Variants in ADAMTS18 observed in about 807,000 individuals in gnomAD.
ADAMTS18 encodes ADAM metallopeptidase with thrombospondin type 1 motif 18.
ADAMTS18 carries 157 observed loss-of-function variants against 165.9 expected under a neutral mutation model. That is an observed-to-expected ratio of 0.95 (90% confidence interval 0.83 to 1.08). The LOEUF (loss-of-function observed/expected upper bound fraction) is 1.08, where lower values mean the gene tolerates loss of function less well. Ranked by LOEUF, ADAMTS18 falls within the 50% of genes least tolerant of loss-of-function variation. The pLI is 0.00. For synonymous variants in ADAMTS18, 782 were observed against 578.2 expected (o/e 1.35, Z -5.06); for missense variants, 2,040 against 1,534.0 (o/e 1.33, Z -5.51).
chr16:77,353,884 G>A lies in ADAMTS18; in HGVS notation c.1463C>T (p.Thr488Ile). Residue 488 changes from threonine to isoleucine, a missense_variant and splice_region_variant, in exon 10 of 23, where the codon ACA (threonine) becomes ATA (isoleucine). By Grantham distance (89) the Thr-to-Ile change is moderately conservative. Transcript: ENST00000282849. ...ATCCACTAGACACCCCGCCTGAGGT[G>A]TGCTGTAATGACAATACATGCTTAT... ...SRQYLKKFLS[T>I]PQAGCLVDEP... 1 of 1,614,116 alleles carries A rather than the reference G, an allele frequency of 6.2e-7. No homozygotes were observed. The highest frequency in any genetic ancestry group is 8.5e-7 in the Non-Finnish European group (1 of 1,180,022).
chr16:77,358,212 T>G (rs1369568067), intron 8 of ADAMTS18, among the ~76,000 whole-genome samples: 1 of 152,206 alleles, frequency 6.6e-6, no homozygotes. Flanking sequence ...TGTTGGAAAT[T>G]TGTTGGATAA....
rs999967088 is a variant in ADAMTS18, at chr16:77,319,707, T to C, written c.2532+142A>G. ...ATCCGCCCACCTCAGCCTCCCAAAG[T>C]GCTGGGATTACAGGCATGAGCCACC... is the stretch of plus-strand genomic sequence containing the variant. On this transcript the variant is annotated intron_variant, in intron 16 of 22. Coordinates refer to ENST00000282849, the MANE Select transcript of ADAMTS18 (RefSeq NM_199355.4). The C allele has an allele frequency of 2.9e-5, 40 of 1,374,620 alleles. No individual in the cohort carries two copies. The South Asian group carries it at 4.4e-4, about 15-fold the overall frequency. 85.2% of individuals were successfully genotyped at this position (1,374,620 alleles called of 1,614,324 possible). A position where few individuals can be genotyped will look rare whatever the true frequency, so the allele number is the denominator to read the frequency against.
intron 3 of ADAMTS18, among the ~76,000 whole-genome samples, chr16:77,425,417 G>C (rs1378005512): frequency 6.6e-6 from 1 of 152,130 alleles, no homozygotes. Flanking sequence ...ATCAGACACC[G>C]GGCAGAAGAT....
intron 16 of ADAMTS18, among the ~76,000 whole-genome samples, chr16:77,314,635 A>T (rs2052879): frequency 7.5e-6 from 1 of 133,862 alleles, no homozygotes; most frequent in Non-Finnish European, 1.6e-5. Flanking sequence ...ATGTGTGTGT[A>T]TGTGTGTGTG....
chr16:77,309,507 G>A (rs893033471), intron 16 of ADAMTS18, among the ~76,000 whole-genome samples: 2 of 152,140 alleles, frequency 1.3e-5, no homozygotes, highest in African/African-American at 4.8e-5. Context: ...AAGGAGAATG[G>A]ATGTCTGTAA....
In ADAMTS18 at chr16:77,367,579, ACC is replaced by A. The variant is rs1215917690; in HGVS notation, c.638_639del (p.Arg213LeufsTer61). ...YKRTAEEKIQ[R>X]YRGYPGSGRN... is the part of the protein sequence containing the mutation. ...CGGCCAGAGCCGGGGTAGCCACGGT[ACC>A]GCTGGATCTTCTCCTCTGCTGTCCT... On this transcript the variant is annotated frameshift_variant, in exon 4 of 23. Coordinates refer to ENST00000282849, the MANE Select transcript of ADAMTS18 (RefSeq NM_199355.4). LOFTEE classifies it high-confidence loss of function. 1 of 1,614,078 alleles carries A rather than the reference ACC, an allele frequency of 6.2e-7. No individual in the cohort carries two copies. The highest frequency in any genetic ancestry group is 8.5e-7 in the Non-Finnish European group (1 of 1,180,044).
intron 3 of ADAMTS18, among the ~76,000 whole-genome samples, chr16:77,407,806 A>C (rs2057411841): frequency 6.6e-6 from 1 of 152,092 alleles, no homozygotes; most frequent in Non-Finnish European, 1.5e-5. Flanking sequence ...TTATAAACTA[A>C]ATGTAAAGGC....
intron 3 of ADAMTS18, among the ~76,000 whole-genome samples, chr16:77,411,845 C>A (rs1248401688): frequency 6.6e-6 from 1 of 151,684 alleles, no homozygotes; most frequent in Non-Finnish European, 1.5e-5. Context: ...CACCACCAAG[C>A]CCAGCTAATT....
chr16:77,359,234 T>C (rs2056674952), intron 8 of ADAMTS18, 84 bp downstream of exon 8: 1 of 1,202,442 alleles, frequency 8.3e-7, no homozygotes, highest in South Asian at 1.3e-5. Flanking sequence ...TTGTTCTGCC[T>C]AAGTCAACAA....
rs1461358945 is a variant in ADAMTS18, at chr16:77,293,222, C to A, written c.3043G>T (p.Glu1015Ter). 1.2e-6 allele frequency: 2 copies of A among 1,613,874 alleles called. No homozygotes were observed. Among genetic ancestry groups the A allele is most frequent in the Non-Finnish European group, 1.7e-6 (2 of 1,179,932 alleles). ...KTCGRGVRKR[E>*]LLCKGSAAET... ...GCGGCAGAGCCCTTGCAGAGGAGTT[C>A]ACGCTTCCTCACCCCTCGTCCACAG... The change falls in exon 20 of 23, where the codon GAA (glutamate) becomes TAA (stop). Residue 1015 changes from glutamate (E) to a stop codon, truncating the protein, a stop_gained. Coordinates refer to ENST00000282849, the MANE Select transcript of ADAMTS18 (RefSeq NM_199355.4). LOFTEE classifies it high-confidence loss of function.
chr16:77,298,896 C>G (rs1180147908), intron 17 of ADAMTS18, among the ~76,000 whole-genome samples: 1 of 152,214 alleles, frequency 6.6e-6, no homozygotes, highest in Non-Finnish European at 1.5e-5. Flanking sequence ...ACAGGACACA[C>G]CAGGGTCTGT....
intron 18 of ADAMTS18, among the ~76,000 whole-genome samples, chr16:77,296,689 G>A (rs550271825): frequency 3.7e-4 from 57 of 152,246 alleles, no homozygotes; most frequent in Non-Finnish European, 4.0e-4. Flanking sequence ...GTGTGGTGAC[G>A]TGCACCTGTA....
At chr16:77,431,850 A>C in intron 2 of ADAMTS18, 1 of 567,308 alleles carries the variant, frequency 1.8e-6, no homozygotes, top group Middle Eastern at 4.8e-4. Flanking sequence ...GATGAATTTC[A>C]TGGATGTCTG....
At chr16:77,338,784 T>A (rs937477694) in intron 11 of ADAMTS18, among the ~76,000 whole-genome samples, 2 of 151,506 alleles carry the variant, frequency 1.3e-5, no homozygotes, top group Non-Finnish European at 2.9e-5. Flanking sequence ...AAACCTCATC[T>A]CTAATAAAAA....
chr16:77,423,965 C>T (rs2057637759), intron 3 of ADAMTS18, among the ~76,000 whole-genome samples: 1 of 152,198 alleles, frequency 6.6e-6, no homozygotes, highest in Admixed American at 6.5e-5. Context: ...CCCAGACCTT[C>T]TCCTAGTTCA....
In ADAMTS18 at chr16:77,320,024, G is replaced by T; in HGVS notation, c.2357C>A (p.Ser786Tyr). 6.2e-7 allele frequency: 1 copy of T among 1,614,144 alleles called. No individual in the cohort carries two copies. The highest frequency in any genetic ancestry group is 8.5e-7 in the Non-Finnish European group (1 of 1,180,022). The stretch of plus-strand genomic sequence containing the variant: ...GAGGCTTCGAACTGCGAGGTAACTG[G>T]AGGAAACCTGCAGCTCCTGGATTTC... ...SIEIQELQVS[S>Y]SYLAVRSLSQ... The change falls in exon 16 of 23, where the codon TCC (serine) becomes TAC (tyrosine). Residue 786 changes from serine to tyrosine, a missense_variant. Physicochemically the swap from Ser to Tyr is moderately radical, Grantham distance 144 (BLOSUM62 -2). Coordinates refer to ENST00000282849, the MANE Select transcript of ADAMTS18 (RefSeq NM_199355.4).
intron 3 of ADAMTS18, among the ~76,000 whole-genome samples, chr16:77,400,847 A>G (rs2057322523): frequency 6.6e-6 from 1 of 152,024 alleles, no homozygotes; most frequent in Non-Finnish European, 1.5e-5. Flanking sequence ...GCATTCTTAT[A>G]CTGCTGTTGT....
At chr16:77,365,557 C>A (rs901923754) in intron 4 of ADAMTS18, among the ~76,000 whole-genome samples, 3 of 152,286 alleles carry the variant, frequency 2.0e-5, no homozygotes, top group Non-Finnish European at 4.4e-5. Context: ...TCATAACTGG[C>A]AAAGGGTGCG....
chr16:77,307,887 A>G (rs1013806872), intron 16 of ADAMTS18, among the ~76,000 whole-genome samples: 3 of 152,196 alleles, frequency 2.0e-5, no homozygotes, highest in Admixed American at 2.0e-4. Context: ...ATACTTCGTC[A>G]GTGGTGCTCA....
Sources: gnomAD v4.1 joint callset for allele counts (sites outside exome capture counted in the v4.1 genomes callset) on GRCh38, gnomAD v4.1.1 for gene constraint, MANE v1.5 for transcripts, NCBI Gene and HGNC (gene_info 2026-07-23, HGNC 2026-07-21) for gene names.